CFDP1: variants seen among roughly 807,000 people sequenced by gnomAD.
The protein encoded by CFDP1 is heterochromatin-stabilizing protein CFDP1.
Under a neutral mutation model 40.1 loss-of-function variants are expected in CFDP1, and 31 were observed. The observed-to-expected ratio is 0.77, with a 90% confidence interval of 0.58 to 1.04. The LOEUF (loss-of-function observed/expected upper bound fraction) is 1.04. Among genes scored for constraint, CFDP1 ranks in the 50% least tolerant of loss-of-function variants. CFDP1 has a pLI of 0.00. For missense variants in CFDP1, 423 were observed against 343.4 expected, an observed-to-expected ratio of 1.23 and a Z score of -1.83; for synonymous variants, 167 against 120.0, an observed-to-expected ratio of 1.39 and a Z score of -2.56.
At chr16:75,301,674 G>T (rs1455426550) in intron 6 of CFDP1, 1 of 149,990 alleles carries the variant, frequency 6.7e-6, no homozygotes, top group Admixed American at 6.8e-5. Flanking sequence ...TTTTGAACCT[G>T]TGGTCTAGTG....
intron 5 of CFDP1, among the ~76,000 whole-genome samples, chr16:75,343,863 G>A (rs539337308): frequency 8.1e-4 from 123 of 152,294 alleles, no homozygotes; most frequent in African/African-American, 2.9e-3. Flanking sequence ...TGGTAGTTGA[G>A]TAGACGGGGC....
Position 75,395,220 on chromosome 16 carries a change from G to C in CFDP1, c.531-11C>G. The stretch of plus-strand genomic sequence containing the variant: ...ACTTCCTTAGTTACCCTGTGCCAAG[G>C]AAAAAGACATCAAGCTTACAAGAAG... On this transcript the variant is annotated splice_polypyrimidine_tract_variant and intron_variant, in intron 4 of 6. Coordinates refer to ENST00000283882, the MANE Select transcript of CFDP1 (RefSeq NM_006324.3). 1.2e-6 allele frequency: 2 copies of C among 1,610,608 alleles called. No individual in the cohort carries two copies.
intron 4 of CFDP1, among the ~76,000 whole-genome samples, chr16:75,398,687 C>T (rs748283008): frequency 3.9e-5 from 6 of 152,174 alleles, no homozygotes; most frequent in Non-Finnish European, 8.8e-5. Context: ...CACACAGAAA[C>T]AGACGTCTGA....
Position 75,305,798 on chromosome 16 carries a change from T to C in CFDP1, c.651-616A>G, listed in dbSNP as rs181958962. ...AAGTCACAGTACTGTAAGAGGGTTC[T>C]AAAATCAGTTTCCTTTTAACTCCTG... On this transcript the variant is annotated intron_variant, in intron 5 of 6. Coordinates refer to ENST00000283882, the MANE Select transcript of CFDP1 (RefSeq NM_006324.3). Among the ~76,000 whole-genome samples, 7 of 152,336 alleles carry C rather than the reference T, an allele frequency of 4.6e-5. No homozygotes were observed. The East Asian group carries it at 1.4e-3, about 29-fold the overall frequency.
At chr16:75,378,594 G>A (rs924048367) in intron 5 of CFDP1, among the ~76,000 whole-genome samples, 4 of 151,948 alleles carry the variant, frequency 2.6e-5, no homozygotes, top group Admixed American at 6.6e-5. Context: ...CAAAATCTAC[G>A]CCTTCAAGCT....
At chr16:75,307,478 A>G (rs374228355) in intron 5 of CFDP1, among the ~76,000 whole-genome samples, 11 of 152,126 alleles carry the variant, frequency 7.2e-5, no homozygotes, top group African/African-American at 2.7e-4. Flanking sequence ...CGGCCCCCCA[A>G]AGTGCTGGGA....
intron 5 of CFDP1, among the ~76,000 whole-genome samples, chr16:75,384,177 C>T (rs1482312723): frequency 2.0e-5 from 3 of 151,786 alleles, no homozygotes; most frequent in Non-Finnish European, 2.9e-5. Flanking sequence ...GCCAACAAGG[C>T]GAAACCCCAT....
chr16:75,316,178 C>T (rs115647440), intron 5 of CFDP1, among the ~76,000 whole-genome samples: 424 of 152,300 alleles, frequency 2.8e-3, no homozygotes, highest in African/African-American at 9.8e-3. Flanking sequence ...GTCAGGTCAG[C>T]CCATCCTGGC....
intron 5 of CFDP1, among the ~76,000 whole-genome samples, chr16:75,312,647 A>C (rs532754582): frequency 5.9e-5 from 9 of 152,308 alleles, no homozygotes; most frequent in African/African-American, 1.9e-4. Flanking sequence ...GTATCTCCAG[A>C]AACATATTAC....
intron 5 of CFDP1, among the ~76,000 whole-genome samples, chr16:75,353,031 A>G (rs1187071832): frequency 6.6e-6 from 1 of 152,142 alleles, no homozygotes; most frequent in Non-Finnish European, 1.5e-5. Flanking sequence ...AACCAGCAAA[A>G]CCCATGAGTA....
chr16:75,422,114 G>T (rs529388080), intron 1 of CFDP1, among the ~76,000 whole-genome samples: 81 of 151,566 alleles, frequency 5.3e-4, no homozygotes, highest in African/African-American at 1.9e-3. Context: ...TCTTTTTTTT[G>T]AGACGGAGTT....
chr16:75,367,870 C>T (rs998145656), intron 5 of CFDP1, among the ~76,000 whole-genome samples: 11 of 151,676 alleles, frequency 7.3e-5, no homozygotes, highest in Non-Finnish European at 1.2e-4. Context: ...TTTGGGAGGC[C>T]GAGGCAGGTG....
In CFDP1 at chr16:75,419,137, T is replaced by C. The variant is rs773010033; in HGVS notation, c.65-4442A>G. 5 of 354,924 alleles carry C rather than the reference T, an allele frequency of 1.4e-5. No individual in the cohort carries two copies. The East Asian group carries it at 3.2e-4, about 23-fold the overall frequency. 22.0% of individuals were successfully genotyped at this position (354,924 alleles called of 1,614,324 possible). A position where few individuals can be genotyped will look rare whatever the true frequency, so the allele number is the denominator to read the frequency against. On this transcript the variant is annotated intron_variant, in intron 1 of 6. Transcript: ENST00000283882. The stretch of plus-strand genomic sequence containing the variant: ...TAAATAATAATAAAAAAAGATCAAA[T>C]TAAAAGGATACAAGATCCAGCCTGA...
intron 4 of CFDP1, among the ~76,000 whole-genome samples, chr16:75,408,081 G>T (rs2079119083): frequency 6.9e-6 from 1 of 144,454 alleles, no homozygotes; most frequent in African/African-American, 2.5e-5. Flanking sequence ...CACAGCCTGG[G>T]TGACAAAGAG....
At chr16:75,389,423 T>C (rs2078929509) in intron 5 of CFDP1, among the ~76,000 whole-genome samples, 1 of 152,252 alleles carries the variant, frequency 6.6e-6, no homozygotes, top group Non-Finnish European at 1.5e-5. Context: ...CTTTGGCTTT[T>C]TATAGCCTAA....
intron 5 of CFDP1, among the ~76,000 whole-genome samples, chr16:75,305,798 T>A (rs181958962): frequency 6.6e-6 from 1 of 152,218 alleles, no homozygotes; most frequent in Non-Finnish European, 1.5e-5. Flanking sequence ...AAGAGGGTTC[T>A]AAAATCAGTT....
chr16:75,315,978 T>C (rs1351162244), intron 5 of CFDP1, among the ~76,000 whole-genome samples: 1 of 152,144 alleles, frequency 6.6e-6, no homozygotes, highest in Non-Finnish European at 1.5e-5. Context: ...TTGCCTTTGG[T>C]TTTGTTGTTT....
intron 6 of CFDP1, among the ~76,000 whole-genome samples, chr16:75,295,202 A>G (rs12149940): frequency 0.19 from 28,567 of 152,068 alleles, 2,864 homozygotes; most frequent in Middle Eastern, 0.23. Context: ...TTCCCTTCCA[A>G]CAGCATCCTA....
intron 5 of CFDP1, among the ~76,000 whole-genome samples, chr16:75,308,846 T>C (rs1043281670): frequency 1.4e-4 from 22 of 152,194 alleles, no homozygotes; most frequent in Admixed American, 5.9e-4. Flanking sequence ...ACTTGATTTT[T>C]TGATGCACAG....
Sources: allele counts gnomAD v4.1 joint callset (sites outside exome capture counted in the v4.1 genomes callset), GRCh38; gene constraint gnomAD v4.1.1; transcripts MANE v1.5; gene names NCBI Gene and HGNC (gene_info 2026-07-23, HGNC 2026-07-21).